TNRC18: variants seen among roughly 807,000 people sequenced by gnomAD.
TNRC18 encodes trinucleotide repeat containing 18.
In TNRC18, 69 loss-of-function variants were observed where a neutral mutation model predicts 226.7. That is an observed-to-expected ratio of 0.30 (90% CI 0.25 to 0.37). The LOEUF (loss-of-function observed/expected upper bound fraction) is 0.37. Among genes scored for constraint, TNRC18 ranks in the 10% least tolerant of loss-of-function variants. The pLI, the probability that TNRC18 is intolerant of heterozygous loss-of-function variation, is 1.00. For synonymous variants in TNRC18, 2,449 were observed against 1,927.6 expected (o/e 1.27, Z -7.09); for missense variants, 4,754 against 4,256.6 (o/e 1.12, Z -3.25).
intron 3 of TNRC18, among the ~76,000 whole-genome samples, chr7:5,392,517 G>C (rs978518791): frequency 1.3e-5 from 2 of 152,212 alleles, no homozygotes; most frequent in African/African-American, 4.8e-5. Flanking sequence ...AGGAGGCTGA[G>C]GCAGGAGAAT....
chr7:5,401,317 G>C, intron 2 of TNRC18, among the ~76,000 whole-genome samples: 1 of 152,038 alleles, frequency 6.6e-6, no homozygotes, highest in East Asian at 1.9e-4. Context: ...ACTGCCAATG[G>C]GCTAGTCCAG....
intron 11 of TNRC18, among the ~76,000 whole-genome samples, chr7:5,365,658 T>A (rs1489242832): frequency 3.3e-5 from 5 of 152,114 alleles, no homozygotes; most frequent in Non-Finnish European, 7.3e-5. Flanking sequence ...CTCGCCATGT[T>A]GCCCGGGCGG....
At chr7:5,321,618 C>G (rs1390766780) in intron 21 of TNRC18, among the ~76,000 whole-genome samples, 2 of 151,928 alleles carry the variant, frequency 1.3e-5, no homozygotes, top group Non-Finnish European at 2.9e-5. Flanking sequence ...CTTACTGCTG[C>G]CCACAGCCAA....
At position 5,394,388 on chromosome 7, in the gene TNRC18, G is replaced by A. The variant is rs768021892; in HGVS notation, c.343+52C>T. 4 of 1,460,398 alleles carry A rather than the reference G, an allele frequency of 2.7e-6. No homozygotes were observed. Among genetic ancestry groups the A allele is most frequent in the South Asian group, 1.4e-5 (1 of 71,746 alleles). 90.5% of individuals were successfully genotyped at this position (1,460,398 alleles called of 1,614,324 possible). On this transcript the variant is annotated intron_variant, in intron 3 of 29. Transcript: ENST00000430969. The surrounding 1 kb of genome is among the most constrained non-coding windows in gnomAD (Gnocchi z 4.5). Reference sequence around the variant, plus strand: ...AGGGGCACATGAAGTGGCCAGAGTGGCTGGGACGTCAGCCCAGCAGCCCTC... The same window carrying A: ...AGGGGCACATGAAGTGGCCAGAGTGACTGGGACGTCAGCCCAGCAGCCCTC...
chr7:5,323,569 T>TTTTTTC (rs1554272410), intron 21 of TNRC18, among the ~76,000 whole-genome samples: 1 of 4,482 alleles, frequency 2.2e-4, no homozygotes, highest in African/African-American at 5.7e-4. Context: ...CACCAGACAG[T>TTTTTTC]TTTTTTTTTT....
chr7:5,381,240 G>A (rs557515574), intron 5 of TNRC18, among the ~76,000 whole-genome samples: 104 of 152,254 alleles, frequency 6.8e-4, no homozygotes, highest in African/African-American at 2.4e-3. Flanking sequence ...GCGCTTGGCC[G>A]GGCCCCTCCT....
At chr7:5,382,433 G>A (rs762894633) in intron 5 of TNRC18, among the ~76,000 whole-genome samples, 1 of 152,134 alleles carries the variant, frequency 6.6e-6, no homozygotes, top group East Asian at 1.9e-4. Context: ...GCCCCACATC[G>A]CAGCCATTAG....
At position 5,377,992 on chromosome 7, in the gene TNRC18, C is replaced by T. The variant is rs537621872; in HGVS notation, c.2185G>A (p.Asp729Asn). Residue 729 changes from aspartate to asparagine, a missense_variant, in exon 6 of 30, where the codon GAC becomes AAC. By Grantham distance (23) the Asp-to-Asn change is conservative. Transcript: ENST00000430969. The surrounding 1 kb of genome is among the most constrained non-coding windows in gnomAD (Gnocchi z 5.8). Reference sequence around the variant, plus strand: ...CGTTCCTCCCGGTGTCTGGCCCGGTCGTCCACACAGTCCTCATCTGCTCGG... The same window carrying T: ...CGTTCCTCCCGGTGTCTGGCCCGGTTGTCCACACAGTCCTCATCTGCTCGG... ...HGRADEDCVDDRARHREERLL... is the reference protein window; with the variant it reads ...HGRADEDCVDNRARHREERLL... 9.3e-6 allele frequency: 15 copies of T among 1,612,886 alleles called. No homozygotes were observed. Among genetic ancestry groups the T allele is most frequent in the Middle Eastern group, 1.7e-4 (1 of 6,058 alleles).
intron 5 of TNRC18, among the ~76,000 whole-genome samples, chr7:5,387,195 A>G (rs1779854774): frequency 1.3e-5 from 2 of 152,238 alleles, no homozygotes; most frequent in African/African-American, 4.8e-5. Context: ...ACTGAGTATC[A>G]AGACCGTGAG....
chr7:5,311,066 CAT>C (rs774092007), intron 27 of TNRC18, among the ~76,000 whole-genome samples: 8 of 152,386 alleles, frequency 5.2e-5, no homozygotes, highest in South Asian at 2.1e-4. Flanking sequence ...AGTGTATTTG[CAT>C]ATGTGTGCAT....
chr7:5,332,582 G>A (rs1462940512), intron 19 of TNRC18, 40 bp downstream of exon 19: 1 of 1,501,310 alleles, frequency 6.7e-7, no homozygotes, highest in Non-Finnish European at 8.9e-7. Flanking sequence ...CGGAACCCCA[G>A]GGACCCTTCT....
intron 18 of TNRC18, among the ~76,000 whole-genome samples, chr7:5,343,097 G>A (rs898592742): frequency 6.6e-6 from 1 of 152,072 alleles, no homozygotes; most frequent in African/African-American, 2.4e-5. Flanking sequence ...CTCACACCTG[G>A]AATCCCAGCA....
At chr7:5,378,167 A>G (rs940982109) in intron 5 of TNRC18, 143 bp from the exon 6 acceptor site, 26 of 617,254 alleles carry the variant, frequency 4.2e-5, no homozygotes, top group East Asian at 5.7e-5. Flanking sequence ...CTTCACCCCA[A>G]CATCTTTCCT....
chr7:5,419,635 G>A (rs921197579), intron 2 of TNRC18, among the ~76,000 whole-genome samples: 10 of 151,934 alleles, frequency 6.6e-5, no homozygotes, highest in Admixed American at 4.6e-4. Context: ...CACAGACCCC[G>A]GGCGGAATAC....
In TNRC18 at chr7:5,333,060, G is replaced by A. The variant is rs749286418; in HGVS notation, c.5720-11C>T. ...ACTCGAACTCTGTGCCTGAACGCGG[G>A]AGGAGGGCGTGCTGGTCACAGCCTC... On this transcript the variant is annotated splice_polypyrimidine_tract_variant and intron_variant, in intron 18 of 29. Coordinates refer to ENST00000430969, the MANE Select transcript of TNRC18 (RefSeq NM_001080495.3). 3 of 1,565,748 alleles carry A rather than the reference G, an allele frequency of 1.9e-6. No individual in the cohort carries two copies. In the African/African-American group the frequency reaches 4.0e-5, roughly 21 times the overall value.
chr7:5,404,788 G>GTT (rs1781356004), intron 2 of TNRC18, among the ~76,000 whole-genome samples: 1 of 151,108 alleles, frequency 6.6e-6, no homozygotes, highest in African/African-American at 2.4e-5. Context: ...GTGTGTGTGT[G>GTT]TGTGTATAAA....
rs61412615 is a variant in TNRC18, at chr7:5,335,835, GAAAA to G, written c.5720-2790_5720-2787del. Among the ~76,000 whole-genome samples, 7 of 126,836 alleles carry G rather than the reference GAAAA, an allele frequency of 5.5e-5. No individual in the cohort carries two copies. The South Asian group carries it at 8.0e-4, about 15-fold the overall frequency. 83.2% of individuals were successfully genotyped at this position (126,836 alleles called of 152,430 possible). A position where few individuals can be genotyped will look rare whatever the true frequency, so the allele number is the denominator to read the frequency against. On this transcript the variant is annotated intron_variant, in intron 18 of 29. Transcript: ENST00000430969. ...AAAACAAAGGAGATCATATTCACTG[GAAAA>G]AAAAAAAAAAAAAAAAAAAGGCATT...
At chr7:5,361,387 G>A (rs1793031045) in intron 14 of TNRC18, among the ~76,000 whole-genome samples, 1 of 152,352 alleles carries the variant, frequency 6.6e-6, no homozygotes, top group Non-Finnish European at 1.5e-5. Flanking sequence ...ATCTGTCGCA[G>A]GAGCCATCCT....
At chr7:5,360,803 CAT>C (rs1792955286) in intron 14 of TNRC18, among the ~76,000 whole-genome samples, 1 of 152,184 alleles carries the variant, frequency 6.6e-6, no homozygotes, top group South Asian at 2.1e-4. Context: ...AAATGCAAGA[CAT>C]GGGGGCCTTG....
Sources: gnomAD v4.1 joint callset for allele counts (sites outside exome capture counted in the v4.1 genomes callset) on GRCh38, gnomAD v4.1.1 for gene constraint, Gnocchi (gnomAD v3.1) non-coding constraint, MANE v1.5 for transcripts, NCBI Gene and HGNC (gene_info 2026-07-23, HGNC 2026-07-21) for gene names.